The following ARSB variants were observed in gnomAD, a reference collection of about 807,000 sequenced individuals.
ARSB encodes arylsulfatase B.
Under a neutral mutation model 50.9 loss-of-function variants are expected in ARSB, and 41 were observed. The observed-to-expected ratio is 0.81, with a 90% CI of 0.63 to 1.04. The LOEUF (loss-of-function observed/expected upper bound fraction) is 1.04, where lower values mean the gene tolerates loss of function less well. ARSB is among the 50% of genes least tolerant of loss of function. The pLI is 0.00. For missense variants in ARSB, 672 were observed against 693.3 expected (o/e 0.97, Z 0.35); for synonymous variants, 269 against 284.8 (o/e 0.94, Z 0.56).
chr5:78,787,640 T>C (rs530723143), intron 6 of ARSB, among the ~76,000 whole-genome samples: 1 of 152,170 alleles, frequency 6.6e-6, no homozygotes, highest in African/African-American at 2.4e-5. Context: ...GACAAAAGAA[T>C]ATAAAAGATA....
intron 6 of ARSB, among the ~76,000 whole-genome samples, chr5:78,836,749 C>T (rs1744971029): frequency 6.6e-6 from 1 of 152,136 alleles, no homozygotes; most frequent in South Asian, 2.1e-4. Flanking sequence ...ATAGTGTATT[C>T]GTCCGTCCTT....
chr5:78,875,928 A>G (rs966991047), intron 5 of ARSB, among the ~76,000 whole-genome samples: 3 of 152,134 alleles, frequency 2.0e-5, no homozygotes, highest in Non-Finnish European at 4.4e-5. Context: ...TCAGGCTCCC[A>G]AAGTATTGGG....
chr5:78,956,597 G>C (rs774356264), intron 3 of ARSB, among the ~76,000 whole-genome samples: 1 of 152,156 alleles, frequency 6.6e-6, no homozygotes, highest in South Asian at 2.1e-4. Context: ...CAGAGTCCCA[G>C]AACGGCCTCA....
chr5:78,887,763 G>A (rs755195842), intron 4 of ARSB, among the ~76,000 whole-genome samples: 1 of 152,120 alleles, frequency 6.6e-6, no homozygotes, highest in Non-Finnish European at 1.5e-5. Context: ...GACACCCCAG[G>A]CCTCTGCCCC....
intron 3 of ARSB, among the ~76,000 whole-genome samples, chr5:78,963,917 G>C (rs1458703789): frequency 6.6e-6 from 1 of 152,148 alleles, no homozygotes; most frequent in African/African-American, 2.4e-5. Flanking sequence ...AAATATTCTT[G>C]TAGGGAGGAA....
intron 5 of ARSB, among the ~76,000 whole-genome samples, chr5:78,849,064 G>C (rs1320903975): frequency 3.9e-5 from 6 of 152,152 alleles, no homozygotes; most frequent in African/African-American, 1.4e-4. Context: ...AAGCTCTTTA[G>C]TTTAATTAGA....
rs146849975 is a variant in ARSB, at chr5:78,861,560, C to T, written c.1143-22134G>A. Among the ~76,000 whole-genome samples the T allele has an allele frequency of 2.8e-3, 431 of 152,288 alleles. 2 individuals carry two copies. Among genetic ancestry groups the T allele is most frequent in the African/African-American group, 9.8e-3 (407 of 41,556 alleles). On this transcript the variant is annotated intron_variant, in intron 5 of 7. Transcript: ENST00000264914. ...ACAAAAGGCCTTCGACAAAATTCAA[C>T]AATGCTTCATGCTAAAAACTCTCAG...
intron 5 of ARSB, among the ~76,000 whole-genome samples, chr5:78,855,324 G>A (rs965670947): frequency 1.3e-5 from 2 of 152,240 alleles, no homozygotes; most frequent in East Asian, 3.9e-4. Flanking sequence ...CTTAGGCATT[G>A]GAGGGGCATG....
At chr5:78,784,246 T>G (rs1309502693) in intron 6 of ARSB, among the ~76,000 whole-genome samples, 1 of 152,212 alleles carries the variant, frequency 6.6e-6, no homozygotes, top group Non-Finnish European at 1.5e-5. Flanking sequence ...AAAGGTATTA[T>G]GGAAGACAGT....
intron 6 of ARSB, among the ~76,000 whole-genome samples, chr5:78,828,116 G>A (rs1016039126): frequency 3.3e-5 from 5 of 152,008 alleles, no homozygotes; most frequent in East Asian, 1.9e-4. Flanking sequence ...CATACTGAAC[G>A]GTGAAATGTT....
At chr5:78,835,295 T>C (rs1489075016) in intron 6 of ARSB, among the ~76,000 whole-genome samples, 2 of 152,114 alleles carry the variant, frequency 1.3e-5, no homozygotes, top group African/African-American at 2.4e-5. Flanking sequence ...ATAATTTGAC[T>C]AGGGGAATGG....
chr5:78,784,983 A>G (rs1324759535), intron 6 of ARSB, among the ~76,000 whole-genome samples: 1 of 151,804 alleles, frequency 6.6e-6, no homozygotes, highest in South Asian at 2.1e-4. Context: ...TATTTTTAGT[A>G]GAGACAGAGT....
intron 5 of ARSB, among the ~76,000 whole-genome samples, chr5:78,870,824 G>T (rs1383835382): frequency 6.6e-6 from 1 of 151,896 alleles, no homozygotes; most frequent in Non-Finnish European, 1.5e-5. Flanking sequence ...GGGCAATTAG[G>T]CAGGGGAAGG....
At chr5:78,853,416 A>C (rs1212497445) in intron 5 of ARSB, among the ~76,000 whole-genome samples, 1 of 152,126 alleles carries the variant, frequency 6.6e-6, no homozygotes, top group Non-Finnish European at 1.5e-5. Context: ...TTCCTCTGGA[A>C]GTTTTGTCTC....
intron 1 of ARSB, among the ~76,000 whole-genome samples, chr5:78,971,448 C>T (rs541063603): frequency 6.2e-4 from 94 of 152,300 alleles, no homozygotes; most frequent in African/African-American, 2.0e-3. Flanking sequence ...ACCCAGGCCA[C>T]GGCTGGTCCC....
intron 5 of ARSB, among the ~76,000 whole-genome samples, chr5:78,849,243 T>A (rs939151584): frequency 6.6e-6 from 1 of 152,106 alleles, no homozygotes; most frequent in African/African-American, 2.4e-5. Context: ...AATTTTTGTA[T>A]AAGGTGTAAG....
chr5:78,803,504 T>A (rs1402062616), intron 6 of ARSB, among the ~76,000 whole-genome samples: 1 of 152,214 alleles, frequency 6.6e-6, no homozygotes, highest in Non-Finnish European at 1.5e-5. Flanking sequence ...AAGCTAAGTG[T>A]GTGCTGCTTT....
chr5:78,802,106 G>A (rs1446726845), intron 6 of ARSB, among the ~76,000 whole-genome samples: 1 of 151,958 alleles, frequency 6.6e-6, no homozygotes, highest in Non-Finnish European at 1.5e-5. Flanking sequence ...CTGCTGCAAA[G>A]GTCTTTGTGT....
chr5:78,815,647 A>T, intron 6 of ARSB: 1 of 1,002,206 alleles, frequency 1.0e-6, no homozygotes, highest in Non-Finnish European at 1.2e-6. Flanking sequence ...GTAATAAGAA[A>T]AGTTCCAAAC....
Sources: allele counts gnomAD v4.1 joint callset (sites outside exome capture counted in the v4.1 genomes callset), GRCh38; gene constraint gnomAD v4.1.1; transcripts MANE v1.5; gene names NCBI Gene and HGNC (gene_info 2026-07-23, HGNC 2026-07-21).